Variants in CERS6 observed in about 807,000 individuals in gnomAD.
CERS6 encodes the protein ceramide synthase 6.
In CERS6, 26 loss-of-function variants were observed where a neutral mutation model predicts 56.8. That is an observed-to-expected ratio of 0.46 (90% CI 0.34 to 0.63). CERS6 has a LOEUF of 0.63. CERS6 is among the 30% of genes least tolerant of loss of function. The pLI is 0.01. For missense variants in CERS6, 415 were observed against 467.5 expected (o/e 0.89, Z 1.04); for synonymous variants, 164 against 173.3 (o/e 0.95, Z 0.42).
At position 168,724,373 on chromosome 2, in the gene CERS6, G is replaced by A. The variant is rs530030143; in HGVS notation, c.845+6395G>A. Reference sequence around the variant, plus strand: ...AGTAGCAAGATTTATTGCAAAGAGCGAAAGAACAAAGCTTCCACAGTGTGG... The same window carrying A: ...AGTAGCAAGATTTATTGCAAAGAGCAAAAGAACAAAGCTTCCACAGTGTGG... On this transcript the variant is annotated intron_variant, in intron 8 of 9. Transcript: ENST00000305747. 1.1e-4 allele frequency among the ~76,000 whole-genome samples: 16 copies of A among 152,198 alleles called. No homozygotes were observed. The South Asian group carries it at 2.7e-3, about 26-fold the overall frequency.
chr2:168,608,333 G>T (rs1182685305), intron 3 of CERS6, among the ~76,000 whole-genome samples: 3 of 152,104 alleles, frequency 2.0e-5, no homozygotes, highest in Non-Finnish European at 4.4e-5. Flanking sequence ...TGAACATTCG[G>T]ATAGAAGCCT....
chr2:168,515,840 G>T (rs1243684449), intron 1 of CERS6, among the ~76,000 whole-genome samples: 1 of 152,196 alleles, frequency 6.6e-6, no homozygotes, highest in African/African-American at 2.4e-5. Context: ...ACACTACTCT[G>T]TAGCTTTCTG....
At chr2:168,556,991 C>CAAAAAAA (rs71003046) in intron 2 of CERS6, among the ~76,000 whole-genome samples, 2 of 82,306 alleles carry the variant, frequency 2.4e-5, no homozygotes, top group Non-Finnish European at 4.7e-5. Context: ...CTTGTCTCTA[C>CAAAAAAA]AAAAAAAAAA....
intron 8 of CERS6, among the ~76,000 whole-genome samples, chr2:168,762,080 G>T (rs1559084483): frequency 6.6e-6 from 1 of 151,892 alleles, no homozygotes; most frequent in Non-Finnish European, 1.5e-5. Context: ...CTGGATGACG[G>T]GTGAATGAGT....
chr2:168,772,777 C>G lies in CERS6; in HGVS notation c.*3115C>G, dbSNP rs981158854. The G allele has an allele frequency of 3.3e-5, 5 of 152,640 alleles. No individual in the cohort carries two copies. The East Asian group carries it at 9.7e-4, about 29-fold the overall frequency. The allele number at this position is 152,640 out of a possible 1,614,324, so 9.5% of individuals were successfully genotyped here. A position where few individuals can be genotyped will look rare whatever the true frequency, so the allele number is the denominator to read the frequency against. On this transcript the variant is annotated 3_prime_UTR_variant, in exon 10 of 10. Transcript: ENST00000305747. ...AAAATGCAGATGATTGCTGCTTTAC[C>G]CCAGGGTTTATTAGCATCCTACTTC...
chr2:168,464,148 T>C (rs1693826476), intron 1 of CERS6, among the ~76,000 whole-genome samples: 1 of 151,098 alleles, frequency 6.6e-6, no homozygotes, highest in African/African-American at 2.4e-5. Flanking sequence ...TCGTGGTCTT[T>C]TTCTCTGGTC....
rs147579932 is a variant in CERS6, at chr2:168,695,470, G to A, written c.609+419G>A. On this transcript the variant is annotated intron_variant, in intron 6 of 9. Coordinates refer to ENST00000305747, the MANE Select transcript of CERS6 (RefSeq NM_203463.3). ...GTTGTCCAGTGTCAAAATATGTCTC[G>A]GAAATGCAGCATTCCTCAGTGAACT... Among the ~76,000 whole-genome samples, 51 of 152,166 alleles carry A rather than the reference G, an allele frequency of 3.4e-4. No homozygotes were observed. The East Asian group carries it at 7.2e-3, about 21-fold the overall frequency.
At chr2:168,647,003 T>G (rs551079718) in intron 4 of CERS6, among the ~76,000 whole-genome samples, 2 of 152,354 alleles carry the variant, frequency 1.3e-5, no homozygotes, top group African/African-American at 4.8e-5. Flanking sequence ...TAGGACTGCC[T>G]TGGCTATTCA....
At chr2:168,687,406 G>A (rs559685979) in intron 4 of CERS6, among the ~76,000 whole-genome samples, 9 of 152,260 alleles carry the variant, frequency 5.9e-5, no homozygotes, top group African/African-American at 1.7e-4. Context: ...GCAAAGTGTG[G>A]TCCGTGGCCT....
intron 3 of CERS6, among the ~76,000 whole-genome samples, chr2:168,623,757 C>T (rs993683590): frequency 2.6e-5 from 4 of 152,130 alleles, no homozygotes; most frequent in Non-Finnish European, 5.9e-5. Context: ...AAAAAATAGG[C>T]AGTATATCAG....
intron 3 of CERS6, among the ~76,000 whole-genome samples, chr2:168,592,376 G>A (rs1230525579): frequency 2.0e-5 from 3 of 152,194 alleles, no homozygotes; most frequent in Non-Finnish European, 4.4e-5. Context: ...ACGTGGGAAA[G>A]GGAGGTGAGG....
chr2:168,685,423 A>G (rs1407269348), intron 4 of CERS6, among the ~76,000 whole-genome samples: 1 of 152,120 alleles, frequency 6.6e-6, no homozygotes, highest in African/African-American at 2.4e-5. Context: ...GGTTAATCAG[A>G]TATCCTTTTC....
chr2:168,511,736 G>A (rs775806940), intron 1 of CERS6, among the ~76,000 whole-genome samples: 14 of 152,082 alleles, frequency 9.2e-5, no homozygotes, highest in Non-Finnish European at 1.2e-4. Flanking sequence ...TGTATTTAAA[G>A]TTTAAAAAAT....
At chr2:168,597,624 A>C (rs1683833006) in intron 3 of CERS6, among the ~76,000 whole-genome samples, 2 of 152,176 alleles carry the variant, frequency 1.3e-5, no homozygotes, top group Non-Finnish European at 2.9e-5. Context: ...TAGCTATAAG[A>C]CACATCCTCC....
chr2:168,654,097 G>A (rs1685411233), intron 4 of CERS6, among the ~76,000 whole-genome samples: 1 of 152,112 alleles, frequency 6.6e-6, no homozygotes, highest in African/African-American at 2.4e-5. Flanking sequence ...TCAGCACCTA[G>A]GAAAAGAAAT....
Position 168,527,497 on chromosome 2 carries a change from G to C in CERS6, c.171-20099G>C, listed in dbSNP as rs143524443. 1.3e-3 allele frequency among the ~76,000 whole-genome samples: 202 copies of C among 152,280 alleles called. 4 individuals carry two copies. The East Asian group carries it at 0.024, about 18-fold the overall frequency. On this transcript the variant is annotated intron_variant, in intron 1 of 9. Coordinates refer to ENST00000305747, the MANE Select transcript of CERS6 (RefSeq NM_203463.3). Reference sequence around the variant, plus strand: ...TTTATGCTGCTGTAATAAAATACCTGACACTGGGTAGTTTGCAAAGAATTA... The same window carrying C: ...TTTATGCTGCTGTAATAAAATACCTCACACTGGGTAGTTTGCAAAGAATTA...
chr2:168,542,153 T>G (rs1415831993), intron 1 of CERS6, among the ~76,000 whole-genome samples: 1 of 151,936 alleles, frequency 6.6e-6, no homozygotes, highest in Non-Finnish European at 1.5e-5. Context: ...AGTGTGGTGT[T>G]CATATGTTGT....
intron 1 of CERS6, among the ~76,000 whole-genome samples, chr2:168,509,932 G>A (rs1335106175): frequency 6.6e-6 from 1 of 152,092 alleles, no homozygotes; most frequent in Non-Finnish European, 1.5e-5. Context: ...AGACAGCTAT[G>A]TTTAGATTTG....
intron 8 of CERS6, among the ~76,000 whole-genome samples, chr2:168,739,561 A>G (rs1160979583): frequency 6.6e-6 from 1 of 152,164 alleles, no homozygotes; most frequent in Non-Finnish European, 1.5e-5. Context: ...CATGTTCCCT[A>G]TTTCAAGTGA....
Sources: gnomAD v4.1 joint callset for allele counts (sites outside exome capture counted in the v4.1 genomes callset) on GRCh38, gnomAD v4.1.1 for gene constraint, MANE v1.5 for transcripts, NCBI Gene and HGNC (gene_info 2026-07-23, HGNC 2026-07-21) for gene names.